RPS6KC1: variants seen among roughly 807,000 people sequenced by gnomAD.
The protein encoded by RPS6KC1 is ribosomal protein S6 kinase C1, also known as inactive ribosomal protein S6 kinase delta-1.
Under a neutral mutation model 103.8 loss-of-function variants are expected in RPS6KC1, and 54 were observed. That is an observed-to-expected ratio of 0.52 (90% confidence interval 0.42 to 0.65). RPS6KC1 has a LOEUF of 0.65. RPS6KC1 is among the 30% of genes least tolerant of loss of function. The pLI, the probability that RPS6KC1 is intolerant of heterozygous loss-of-function variation, is 0.00. For missense variants in RPS6KC1, 1,151 were observed against 1,253.8 expected, an observed-to-expected ratio of 0.92 and a Z score of 1.24; for synonymous variants, 439 against 438.7, an observed-to-expected ratio of 1.00 and a Z score of -0.01.
At chr1:213,525,238 T>C in the RPS6KC1 span, among the ~76,000 whole-genome samples, 2 of 152,166 alleles carry the variant, frequency 1.3e-5, no homozygotes, top group African/African-American at 4.8e-5. Flanking sequence ...ATTCTGGGTA[T>C]GTTTTGAAAG....
the RPS6KC1 span, among the ~76,000 whole-genome samples, chr1:213,815,139 C>T: frequency 5.9e-5 from 9 of 152,192 alleles, no homozygotes; most frequent in African/African-American, 1.9e-4. Context: ...TGTTTTTATA[C>T]GGGGCTTTTT....
the RPS6KC1 span, among the ~76,000 whole-genome samples, chr1:213,452,618 G>A: frequency 4.0e-4 from 61 of 152,264 alleles, no homozygotes; most frequent in African/African-American, 1.3e-3. Context: ...TCATGGACCT[G>A]CAATACAGCA....
At chr1:213,530,577 A>T in the RPS6KC1 span, among the ~76,000 whole-genome samples, 1 of 152,214 alleles carries the variant, frequency 6.6e-6, no homozygotes, top group Non-Finnish European at 1.5e-5. Flanking sequence ...CGAGGCTCTC[A>T]CAGTTAATAA....
the RPS6KC1 span, among the ~76,000 whole-genome samples, chr1:213,783,219 G>A: frequency 6.6e-5 from 10 of 152,282 alleles, no homozygotes; most frequent in East Asian, 1.9e-3. Context: ...AAGCAACCTT[G>A]CCAAAGGCCC....
At chr1:213,205,824 A>ATGC (rs2093335208) in intron 8 of RPS6KC1, among the ~76,000 whole-genome samples, 1 of 151,872 alleles carries the variant, frequency 6.6e-6, no homozygotes, top group Non-Finnish European at 1.5e-5. Flanking sequence ...CTTATTCGAA[A>ATGC]TGCTTGGGAC....
At chr1:213,796,099 C>T in the RPS6KC1 span, among the ~76,000 whole-genome samples, 2 of 152,212 alleles carry the variant, frequency 1.3e-5, no homozygotes, top group African/African-American at 4.8e-5. Context: ...CCAGTTTCTT[C>T]CCATTGTCTT....
At chr1:213,786,090 G>T in the RPS6KC1 span, among the ~76,000 whole-genome samples, 1 of 152,050 alleles carries the variant, frequency 6.6e-6, no homozygotes, top group African/African-American at 2.4e-5. Context: ...AGTGAGGATG[G>T]GAATAAAGCT....
the RPS6KC1 span, among the ~76,000 whole-genome samples, chr1:213,543,088 A>T: frequency 6.6e-6 from 1 of 152,360 alleles, no homozygotes; most frequent in South Asian, 2.1e-4. Context: ...AGAATGGCCC[A>T]TTCAGGACTG....
Position 213,241,324 on chromosome 1 carries a change from C to T in RPS6KC1, c.1848C>T (p.Asp616=), listed in dbSNP as rs768142850. The T allele has an allele frequency of 1.2e-6, 2 of 1,613,972 alleles. No homozygotes were observed. Among genetic ancestry groups the T allele is most frequent in the South Asian group, 2.2e-5 (2 of 91,068 alleles). Residue 616 remains aspartate, a synonymous_variant, in exon 11 of 15, where the codon GAC becomes GAT. Transcript: ENST00000366960. ...GCGCAAGTGAACTCCTGGGACTTGACTTTGGAGAAAAATTGTATAGTCTAA... is the reference window on the plus strand; with the variant it reads ...GCGCAAGTGAACTCCTGGGACTTGATTTTGGAGAAAAATTGTATAGTCTAA... The part of the protein sequence containing the change: ...KDSASELLGL[D]FGEKLYSLKS...
chr1:213,139,061 A>T (rs954985412), intron 6 of RPS6KC1, among the ~76,000 whole-genome samples: 1 of 151,756 alleles, frequency 6.6e-6, no homozygotes, highest in Non-Finnish European at 1.5e-5. Context: ...CTGGTATGAG[A>T]TGCTGTCTCA....
chr1:213,064,482 C>T (rs1030062780), intron 1 of RPS6KC1, among the ~76,000 whole-genome samples: 10 of 151,974 alleles, frequency 6.6e-5, no homozygotes, highest in Admixed American at 3.9e-4. Context: ...ATTCTCCTGC[C>T]TCAGTCTCCC....
the RPS6KC1 span, among the ~76,000 whole-genome samples, chr1:213,456,498 A>G: frequency 2.0e-5 from 3 of 152,042 alleles, no homozygotes; most frequent in African/African-American, 4.8e-5. Flanking sequence ...CAGGTATTCT[A>G]ATTCTGACTG....
chr1:213,322,071 C>T, the RPS6KC1 span, among the ~76,000 whole-genome samples: 3 of 152,024 alleles, frequency 2.0e-5, no homozygotes, highest in East Asian at 1.9e-4. Flanking sequence ...TTTGGGAGGC[C>T]GAGGTGGGAG....
chr1:213,861,486 T>TGACC, the RPS6KC1 span, among the ~76,000 whole-genome samples: 1 of 152,156 alleles, frequency 6.6e-6, no homozygotes, highest in Non-Finnish European at 1.5e-5. Context: ...ACAAACACAC[T>TGACC]GACCAACAAG....
rs112476014 is a variant in RPS6KC1, at chr1:213,156,168, C to T, written c.836-11690C>T. On this transcript the variant is annotated intron_variant, in intron 6 of 14. Transcript: ENST00000366960. ...GTTAAGTGGAGACATGTAAGAATTA[C>T]AAAAGACCAAACTGAACTTCTATAG... Among the ~76,000 whole-genome samples the T allele has an allele frequency of 1.3e-5, 2 of 152,152 alleles. 1 individual carries two copies. The highest frequency in any genetic ancestry group is 4.8e-5 in the African/African-American group (2 of 41,500).
chr1:213,539,905 G>C, the RPS6KC1 span, among the ~76,000 whole-genome samples: 1 of 152,226 alleles, frequency 6.6e-6, no homozygotes, highest in South Asian at 2.1e-4. Flanking sequence ...TTTGCACTAT[G>C]CAAGTCTATT....
intron 3 of RPS6KC1, among the ~76,000 whole-genome samples, chr1:213,078,231 CTTT>C (rs11416944): frequency 5.5e-5 from 7 of 128,332 alleles, no homozygotes; most frequent in Admixed American, 2.4e-4. Context: ...CCTTAGTATT[CTTT>C]TTTTTTTTTT....
chr1:213,465,510 A>G, the RPS6KC1 span, among the ~76,000 whole-genome samples: 3 of 152,012 alleles, frequency 2.0e-5, no homozygotes, highest in Non-Finnish European at 4.4e-5. Flanking sequence ...CCTTGCTAAC[A>G]CTTTGTTACC....
chr1:213,724,200 G>T, the RPS6KC1 span, among the ~76,000 whole-genome samples: 1 of 152,128 alleles, frequency 6.6e-6, no homozygotes, highest in Non-Finnish European at 1.5e-5. Context: ...TGATCCTCCT[G>T]CCTCAGCCTC....
Sources: gnomAD v4.1 joint callset for allele counts (sites outside exome capture counted in the v4.1 genomes callset) on GRCh38, gnomAD v4.1.1 for gene constraint, MANE v1.5 for transcripts, NCBI Gene and HGNC (gene_info 2026-07-23, HGNC 2026-07-21) for gene names.